The following P4HA1 variants were observed in gnomAD, a reference collection of about 807,000 sequenced individuals.
The protein encoded by P4HA1 is prolyl 4-hydroxylase subunit alpha-1.
Under a neutral mutation model 72.8 loss-of-function variants are expected in P4HA1, and 24 were observed. The observed-to-expected ratio is 0.33, with a 90% CI of 0.24 to 0.46. The LOEUF is 0.46. Among genes scored for constraint, P4HA1 ranks in the 20% least tolerant of loss-of-function variants. The probability of loss-of-function intolerance (pLI) is 1.00; values close to 1 mark genes in which losing one functional copy is unlikely to be tolerated. For synonymous variants in P4HA1, 201 were observed against 218.8 expected, an observed-to-expected ratio of 0.92 and a Z score of 0.72; for missense variants, 446 against 640.6, an observed-to-expected ratio of 0.70 and a Z score of 3.28.
chr10:73,032,236 C>T (rs951573854), intron 9 of P4HA1, among the ~76,000 whole-genome samples: 1 of 152,208 alleles, frequency 6.6e-6, no homozygotes, highest in Non-Finnish European at 1.5e-5. Flanking sequence ...GTACATCCCT[C>T]CAGTTACCAA....
chr10:73,080,683 GAGGCAGAAGCGGGC>G (rs1315174130), intron 1 of P4HA1, among the ~76,000 whole-genome samples: 3 of 152,152 alleles, frequency 2.0e-5, no homozygotes, highest in African/African-American at 2.4e-5. Flanking sequence ...AGTACTTTGG[GAGGCAGAAGCGGGC>G]AGGCAGATTG....
chr10:73,060,329 GTC>G (rs887682340), intron 5 of P4HA1, among the ~76,000 whole-genome samples: 3 of 152,156 alleles, frequency 2.0e-5, no homozygotes, highest in Non-Finnish European at 2.9e-5. Flanking sequence ...CATATTTCCT[GTC>G]TCTGTTTATG....
At chr10:73,062,087 A>G (rs1841326909) in intron 5 of P4HA1, among the ~76,000 whole-genome samples, 1 of 152,230 alleles carries the variant, frequency 6.6e-6, no homozygotes, top group Admixed American at 6.5e-5. Flanking sequence ...GGATAAAATG[A>G]CATGATGTCT....
At position 73,096,834 on chromosome 10, in the gene P4HA1, C is replaced by A. The variant is rs1203070453; in HGVS notation, c.-101G>T. On this transcript the variant is annotated 5_prime_UTR_variant, in exon 1 of 15. Transcript: ENST00000394890. The stretch of plus-strand genomic sequence containing the variant: ...TCGCCTCCACTCGGAGCGGCTACTT[C>A]CTACCCTCAGCCCGCTGGCGGCGCG... The A allele has an allele frequency of 6.5e-6, 1 of 152,796 alleles. No homozygotes were observed. The allele number at this position is 152,796 out of a possible 1,614,324, so 9.5% of individuals were successfully genotyped here.
intron 9 of P4HA1, among the ~76,000 whole-genome samples, chr10:73,037,571 A>ATATATAT (rs1238501206): frequency 3.6e-4 from 11 of 30,614 alleles, no homozygotes; most frequent in African/African-American, 6.3e-4. Context: ...ATATATATAT[A>ATATATAT]TTTTTTTTTT....
At chr10:73,044,168 G>A (rs1840801180) in intron 9 of P4HA1, among the ~76,000 whole-genome samples, 1 of 152,194 alleles carries the variant, frequency 6.6e-6, no homozygotes, top group Middle Eastern at 3.4e-3. Flanking sequence ...ACAGATTTTT[G>A]TTGTAGATTT....
At chr10:73,081,508 G>A (rs1160002128) in intron 1 of P4HA1, among the ~76,000 whole-genome samples, 2 of 152,052 alleles carry the variant, frequency 1.3e-5, no homozygotes, top group South Asian at 2.1e-4. Context: ...ACATTTTCAG[G>A]TAGGCCTGGA....
chr10:73,086,912 TAA>T (rs1036397868), intron 1 of P4HA1, among the ~76,000 whole-genome samples: 1 of 112,664 alleles, frequency 8.9e-6, no homozygotes, highest in Non-Finnish European at 1.8e-5. Flanking sequence ...CCAGCCTGGG[TAA>T]AAGAGTGAGA....
intron 6 of P4HA1, 117 bp from the exon 7 acceptor site, chr10:73,051,366 TGTGA>T (rs1385854154): frequency 3.3e-6 from 2 of 615,226 alleles, no homozygotes; most frequent in Middle Eastern, 4.4e-4. Context: ...AGGTTGCTGT[TGTGA>T]GTGAAAGGAG....
At chr10:73,034,891 T>C (rs11000494) in intron 9 of P4HA1, among the ~76,000 whole-genome samples, 2,244 of 152,174 alleles carry the variant, frequency 0.015, 49 homozygotes, top group African/African-American at 0.046. Flanking sequence ...AAAATAATGT[T>C]TTCAAGGTTC....
chr10:73,053,306 TC>T, intron 6 of P4HA1, 44 bp downstream of exon 6: 1 of 1,567,132 alleles, frequency 6.4e-7, no homozygotes, highest in Non-Finnish European at 8.7e-7. Context: ...AGAATATATA[TC>T]CCTCAATATA....
chr10:73,092,631 T>C (rs1029324070), intron 1 of P4HA1, among the ~76,000 whole-genome samples: 3 of 150,530 alleles, frequency 2.0e-5, no homozygotes, highest in African/African-American at 7.3e-5. Context: ...GTGCTGTGAT[T>C]ACAGGTGTGA....
intron 1 of P4HA1, among the ~76,000 whole-genome samples, chr10:73,075,846 C>T (rs1841686017): frequency 6.6e-6 from 1 of 152,046 alleles, no homozygotes; most frequent in Non-Finnish European, 1.5e-5. Context: ...TCTAGGGTTA[C>T]AGGCGTGAGC....
At chr10:73,037,567 A>T (rs1303973036) in intron 9 of P4HA1, among the ~76,000 whole-genome samples, 1,386 of 28,974 alleles carry the variant, frequency 0.048, 84 homozygotes, top group African/African-American at 0.16. Flanking sequence ...ATATATATAT[A>T]TATATTTTTT....
intron 9 of P4HA1, among the ~76,000 whole-genome samples, chr10:73,041,393 A>C (rs1443106840): frequency 6.6e-6 from 1 of 152,000 alleles, no homozygotes; most frequent in African/African-American, 2.4e-5. Flanking sequence ...AATACAAAAA[A>C]TTAGCCGGGC....
intron 11 of P4HA1, among the ~76,000 whole-genome samples, chr10:73,015,783 T>C (rs980776645): frequency 6.6e-6 from 1 of 152,168 alleles, no homozygotes; most frequent in Non-Finnish European, 1.5e-5. Flanking sequence ...GGATCATTGT[T>C]CAGTTTGCCT....
intron 9 of P4HA1, among the ~76,000 whole-genome samples, chr10:73,041,112 A>T (rs1053351511): frequency 1.3e-5 from 2 of 152,174 alleles, no homozygotes; most frequent in Admixed American, 6.5e-5. Context: ...AATGAAAATC[A>T]TATTATGGCA....
chr10:73,046,949 G>T lies in P4HA1; in HGVS notation c.1053C>A (p.Ile351=), dbSNP rs199872874. 1 of 1,611,446 alleles carries T rather than the reference G, an allele frequency of 6.2e-7. No individual in the cohort carries two copies. The highest frequency in any genetic ancestry group is 1.1e-5 in the South Asian group (1 of 90,632). Residue 351 remains isoleucine, a synonymous_variant, in exon 8 of 15, where the codon ATC becomes ATA. Coordinates refer to ENST00000394890, the MANE Select transcript of P4HA1 (RefSeq NM_001017962.3). ...HDIISDAEIE[I]VKDLAKPRLR... is the part of the protein sequence containing the mutation. ...CCCTTGGTTTTGCTAGGTCTTTGACGATTTCAATTTCTGCATCAGAAATAA... is the reference window on the plus strand; with the variant it reads ...CCCTTGGTTTTGCTAGGTCTTTGACTATTTCAATTTCTGCATCAGAAATAA...
At chr10:73,052,556 C>T (rs1841045288) in intron 6 of P4HA1, among the ~76,000 whole-genome samples, 1 of 152,086 alleles carries the variant, frequency 6.6e-6, no homozygotes, top group African/African-American at 2.4e-5. Context: ...CTGGAAAATA[C>T]TGAAAGGAAA....
Sources: allele counts gnomAD v4.1 joint callset (sites outside exome capture counted in the v4.1 genomes callset), GRCh38; gene constraint gnomAD v4.1.1; transcripts MANE v1.5; gene names NCBI Gene and HGNC (gene_info 2026-07-23, HGNC 2026-07-21).